The following CCDC85A variants were observed in gnomAD, a reference collection of about 807,000 sequenced individuals.
CCDC85A encodes coiled-coil domain containing 85A.
Under a neutral mutation model 50.2 loss-of-function variants are expected in CCDC85A, and 38 were observed. That is an observed-to-expected ratio of 0.76 (90% CI 0.58 to 0.99). CCDC85A has a LOEUF of 0.99. Among genes scored for constraint, CCDC85A ranks in the 50% least tolerant of loss-of-function variants. The pLI is 0.00. For synonymous variants in CCDC85A, 366 were observed against 301.4 expected, an observed-to-expected ratio of 1.21 and a Z score of -2.22; for missense variants, 820 against 742.0, an observed-to-expected ratio of 1.11 and a Z score of -1.22.
chr2:56,290,778 T>C (rs1671666983), intron 2 of CCDC85A, among the ~76,000 whole-genome samples: 1 of 152,206 alleles, frequency 6.6e-6, no homozygotes, highest in African/African-American at 2.4e-5. Flanking sequence ...TCTAGAAAAT[T>C]GTTTCCAAAT....
At chr2:56,352,499 C>G (rs904913208) in intron 3 of CCDC85A, among the ~76,000 whole-genome samples, 11 of 152,082 alleles carry the variant, frequency 7.2e-5, no homozygotes, top group Non-Finnish European at 1.3e-4. Context: ...GCACGCGCCA[C>G]CACGCCCAGC....
intron 2 of CCDC85A, among the ~76,000 whole-genome samples, chr2:56,316,112 T>C (rs1284273082): frequency 6.6e-6 from 1 of 150,482 alleles, no homozygotes; most frequent in Non-Finnish European, 1.5e-5. Flanking sequence ...GACATATTTG[T>C]CAAAATAACT....
chr2:56,218,656 C>T (rs1668192138), intron 2 of CCDC85A, among the ~76,000 whole-genome samples: 1 of 151,750 alleles, frequency 6.6e-6, no homozygotes, highest in Non-Finnish European at 1.5e-5. Context: ...CCCAAATATC[C>T]TTTAGAGCTT....
chr2:56,208,162 A>G (rs1437183735), intron 2 of CCDC85A, among the ~76,000 whole-genome samples: 3 of 151,978 alleles, frequency 2.0e-5, no homozygotes, highest in Non-Finnish European at 4.4e-5. Flanking sequence ...TAAATTTCTA[A>G]TTTTATCCAT....
intron 5 of CCDC85A, 70 bp downstream of exon 5, chr2:56,376,005 A>T: frequency 6.6e-7 from 1 of 1,520,910 alleles, no homozygotes; most frequent in Non-Finnish European, 8.9e-7. Context: ...GTAGTCTAGT[A>T]GTCCTCACAG....
At chr2:56,292,811 G>A (rs940399109) in intron 2 of CCDC85A, among the ~76,000 whole-genome samples, 1 of 152,076 alleles carries the variant, frequency 6.6e-6, no homozygotes, top group African/African-American at 2.4e-5. Flanking sequence ...TTCCATTATG[G>A]CCCATCATTG....
chr2:56,383,506 C>A (rs1179738946), intron 5 of CCDC85A: 7 of 771,166 alleles, frequency 9.1e-6, no homozygotes, highest in Non-Finnish European at 9.5e-6. Flanking sequence ...CTTGATTGCA[C>A]CTTTTGTCCC....
intron 2 of CCDC85A, among the ~76,000 whole-genome samples, chr2:56,331,943 C>T (rs1196698066): frequency 2.6e-5 from 4 of 152,240 alleles, no homozygotes; most frequent in Non-Finnish European, 4.4e-5. Flanking sequence ...CCTGCCCCCT[C>T]CCCGCCCCCC....
intron 2 of CCDC85A, among the ~76,000 whole-genome samples, chr2:56,264,062 G>A (rs1013868186): frequency 2.6e-5 from 4 of 152,142 alleles, no homozygotes; most frequent in African/African-American, 9.7e-5. Context: ...ACGAATTTGT[G>A]TTGAGTCACA....
intron 3 of CCDC85A, among the ~76,000 whole-genome samples, chr2:56,357,438 C>T (rs1278904435): frequency 6.6e-6 from 1 of 152,142 alleles, no homozygotes; most frequent in Non-Finnish European, 1.5e-5. Flanking sequence ...AATAATTGGT[C>T]TTTAAACCAT....
chr2:56,367,026 A>T (rs1675829694), intron 3 of CCDC85A, among the ~76,000 whole-genome samples: 1 of 152,072 alleles, frequency 6.6e-6, no homozygotes, highest in Non-Finnish European at 1.5e-5. Context: ...TCCTAATGTG[A>T]CTGCTTCAAG....
chr2:56,377,341 A>G (rs1676382382), intron 5 of CCDC85A, among the ~76,000 whole-genome samples: 1 of 152,198 alleles, frequency 6.6e-6, no homozygotes, highest in African/African-American at 2.4e-5. Flanking sequence ...AGCTATCTGA[A>G]AAGCATTTTA....
chr2:56,219,122 T>A (rs1668208359), intron 2 of CCDC85A, among the ~76,000 whole-genome samples: 1 of 150,260 alleles, frequency 6.7e-6, no homozygotes, highest in South Asian at 2.1e-4. Flanking sequence ...CACACTGACA[T>A]GCATCCATGC....
At chr2:56,376,656 T>C (rs768623101) in intron 5 of CCDC85A, among the ~76,000 whole-genome samples, 1 of 151,434 alleles carries the variant, frequency 6.6e-6, no homozygotes, top group Non-Finnish European at 1.5e-5. Flanking sequence ...ATATAAATAT[T>C]TACTTATCTC....
intron 2 of CCDC85A, among the ~76,000 whole-genome samples, chr2:56,332,341 A>C (rs1254996676): frequency 6.6e-6 from 1 of 152,098 alleles, no homozygotes; most frequent in East Asian, 1.9e-4. Flanking sequence ...ACAGAAATTT[A>C]TTGCTCACAG....
intron 2 of CCDC85A, among the ~76,000 whole-genome samples, chr2:56,275,339 C>T (rs1237749250): frequency 6.6e-6 from 1 of 152,108 alleles, no homozygotes; most frequent in Non-Finnish European, 1.5e-5. Flanking sequence ...TTGTAGAGTG[C>T]CTCTCTTGGT....
chr2:56,296,841 A>G (rs1671971521), intron 2 of CCDC85A, among the ~76,000 whole-genome samples: 2 of 152,220 alleles, frequency 1.3e-5, no homozygotes, highest in African/African-American at 4.8e-5. Flanking sequence ...CTTATTTAAA[A>G]TAGGCCAGAA....
chr2:56,291,778 T>G (rs1283057695), intron 2 of CCDC85A, among the ~76,000 whole-genome samples: 2 of 151,280 alleles, frequency 1.3e-5, no homozygotes, highest in Non-Finnish European at 3.0e-5. Context: ...GAAGGCTTTT[T>G]TTTTTTTTTT....
intron 2 of CCDC85A, among the ~76,000 whole-genome samples, chr2:56,313,417 A>G (rs1023638013): frequency 3.9e-5 from 6 of 152,134 alleles, no homozygotes; most frequent in African/African-American, 1.4e-4. Flanking sequence ...AAGTGGGAAT[A>G]AGGAGAACTG....
Sources: allele counts gnomAD v4.1 joint callset (sites outside exome capture counted in the v4.1 genomes callset), GRCh38; gene constraint gnomAD v4.1.1; transcripts MANE v1.5; gene names NCBI Gene and HGNC (gene_info 2026-07-23, HGNC 2026-07-21).